SNUPN: variants seen among roughly 807,000 people sequenced by gnomAD.
The protein encoded by SNUPN is snurportin-1.
A neutral mutation model predicts 39.2 loss-of-function variants in SNUPN; 31 were observed. That is an observed-to-expected ratio of 0.79 (90% CI 0.59 to 1.07). The LOEUF (loss-of-function observed/expected upper bound fraction) is 1.07. Among genes scored for constraint, SNUPN ranks in the 50% least tolerant of loss-of-function variants. The pLI is 0.00. For missense variants in SNUPN, 382 were observed against 434.2 expected, an observed-to-expected ratio of 0.88 and a Z score of 1.07; for synonymous variants, 132 against 159.0, an observed-to-expected ratio of 0.83 and a Z score of 1.28.
At chr15:75,603,467 C>T (rs1421441247) in intron 7 of SNUPN, among the ~76,000 whole-genome samples, 1 of 149,258 alleles carries the variant, frequency 6.7e-6, no homozygotes, top group Non-Finnish European at 1.5e-5. Context: ...CGACACCATC[C>T]TTGCTAACAC....
chr15:75,619,891 G>A (rs1333469942), intron 2 of SNUPN, among the ~76,000 whole-genome samples: 1 of 151,990 alleles, frequency 6.6e-6, no homozygotes, highest in Non-Finnish European at 1.5e-5. Flanking sequence ...TGGGACTACA[G>A]GCACGCACCA....
At chr15:75,624,061 G>A (rs1893150232) in intron 1 of SNUPN, among the ~76,000 whole-genome samples, 1 of 147,776 alleles carries the variant, frequency 6.8e-6, no homozygotes, top group South Asian at 2.2e-4. Flanking sequence ...CCAAGTAGCT[G>A]GGACTACAGG....
At chr15:75,620,769 CAAG>C (rs1174164760) in intron 2 of SNUPN, 122 bp downstream of exon 2, 4 of 824,586 alleles carry the variant, frequency 4.9e-6, no homozygotes, top group African/African-American at 1.7e-5. Context: ...AACCTGTGGG[CAAG>C]AAGATCAGCC....
intron 1 of SNUPN, among the ~76,000 whole-genome samples, chr15:75,622,138 G>C (rs527363815): frequency 3.3e-5 from 5 of 152,188 alleles, no homozygotes; most frequent in South Asian, 2.1e-4. Flanking sequence ...CAAGGCAGGA[G>C]GATCACTTGA....
chr15:75,599,012 CA>C (rs1038574805), intron 8 of SNUPN, among the ~76,000 whole-genome samples: 2 of 151,230 alleles, frequency 1.3e-5, no homozygotes, highest in East Asian at 1.9e-4. Context: ...ACTAAAAATT[CA>C]AAAAAATAGC....
intron 7 of SNUPN, among the ~76,000 whole-genome samples, chr15:75,601,893 TAA>T (rs937614239): frequency 2.0e-5 from 3 of 152,200 alleles, no homozygotes; most frequent in Admixed American, 2.0e-4. Context: ...CCCTTTTTTT[TAA>T]GAGATGAGAT....
In SNUPN at chr15:75,605,210, G is replaced by A; in HGVS notation, c.618C>T (p.Tyr206=). Reference sequence around the variant, plus strand: ...CTTCTGGTAACTTTGAATGCATCCAGTAGAATCGGAAATCAGTCTGCCACA... The same window carrying A: ...CTTCTGGTAACTTTGAATGCATCCAATAGAATCGGAAATCAGTCTGCCACA... ...FYDCQTDFRF[Y]WMHSKLPEEE... is the part of the protein sequence containing the mutation. Residue 206 remains tyrosine, a synonymous_variant, in exon 7 of 9, where the codon TAC becomes TAT. Coordinates refer to ENST00000308588, the MANE Select transcript of SNUPN (RefSeq NM_005701.4). 6.2e-7 allele frequency: 1 copy of A among 1,612,078 alleles called. No individual in the cohort carries two copies. The highest frequency in any genetic ancestry group is 8.5e-7 in the Non-Finnish European group (1 of 1,178,704).
At chr15:75,610,047 G>T in intron 3 of SNUPN, 53 bp from the exon 4 acceptor site, 3 of 1,352,012 alleles carry the variant, frequency 2.2e-6, no homozygotes, top group Non-Finnish European at 3.2e-6. Flanking sequence ...CTACTCGAAA[G>T]TCTGCAATGA....
rs2075338118 is a variant in SNUPN, at chr15:75,607,255, A to T, written c.561T>A (p.Asp187Glu). ...AAGGGTGTCCCCGCCAGCACATCAC[A>T]TCCAGAACGTAGTAGGTCTGGTTTA... ...NEVNQTYYVL[D>E]VMCWRGHPFY... Residue 187 changes from aspartate to glutamate, a missense_variant, in exon 6 of 9, where the codon GAT (aspartate) becomes GAA (glutamate). Transcript: ENST00000308588. 5.0e-6 allele frequency: 8 copies of T among 1,613,896 alleles called. No homozygotes were observed. The highest frequency in any genetic ancestry group is 6.8e-6 in the Non-Finnish European group (8 of 1,179,794).
At chr15:75,611,531 C>T (rs747281306) in intron 3 of SNUPN, among the ~76,000 whole-genome samples, 3 of 151,656 alleles carry the variant, frequency 2.0e-5, no homozygotes, top group Admixed American at 1.3e-4. Flanking sequence ...GGATTACAGG[C>T]ATGAGCCACC....
rs1463054079 is a variant in SNUPN at position 75,598,385 on chromosome 15, G to A, written c.1056C>T (p.Asp352=). The A allele has an allele frequency of 1.9e-6, 3 of 1,614,100 alleles. No homozygotes were observed. Among genetic ancestry groups the A allele is most frequent in the Non-Finnish European group, 2.5e-6 (3 of 1,180,028 alleles). The change falls in exon 9 of 9, where the codon GAC becomes GAT. Residue 352 remains aspartate (D), a synonymous_variant. Coordinates refer to ENST00000308588, the MANE Select transcript of SNUPN (RefSeq NM_005701.4). ...PKLKGSSHSP[D]HPGCLMEN ...AATTCTCCATGAGGCATCCAGGGTG[G>A]TCTGGGCTATGGGAAGAACCCTTCA...
chr15:75,624,708 C>T (rs765199693), intron 1 of SNUPN: 71 of 1,260,004 alleles, frequency 5.6e-5, no homozygotes, highest in Non-Finnish European at 5.2e-5. Context: ...TGGGGCGGTT[C>T]CTTTACCTTC....
chr15:75,599,836 A>ATTTTTTTTTTT (rs60918008), intron 8 of SNUPN, among the ~76,000 whole-genome samples: 1 of 140,514 alleles, frequency 7.1e-6, no homozygotes, highest in Admixed American at 7.2e-5. Flanking sequence ...GACTGGGCAG[A>ATTTTTTTTTTT]TTTTTTTTTT....
chr15:75,598,426 G>A lies in SNUPN; in HGVS notation c.1015C>T (p.Leu339=), dbSNP rs775662801. Residue 339 remains leucine, a synonymous_variant, in exon 9 of 9, where the codon CTG becomes TTG. Transcript: ENST00000308588. ...GAACCCTTCAACTTGGGAGTAGACA[G>A]GTGCTCCAATTCATAGTGCCCATTC... ...SENGHYELEH[L]STPKLKGSSH... 16 of 1,614,096 alleles carry A rather than the reference G, an allele frequency of 9.9e-6. No individual in the cohort carries two copies. In the South Asian group the frequency reaches 1.5e-4, roughly 16 times the overall value.
At chr15:75,610,024 C>A (rs1366760975) in intron 3 of SNUPN, 30 bp from the exon 4 acceptor site, 1 of 1,531,474 alleles carries the variant, frequency 6.5e-7, no homozygotes, top group Admixed American at 1.7e-5. Flanking sequence ...TGTTAAAGAT[C>A]AGCAGGGGTG....
intron 2 of SNUPN, among the ~76,000 whole-genome samples, chr15:75,619,306 G>C (rs989505579): frequency 6.6e-6 from 1 of 150,898 alleles, no homozygotes; most frequent in Non-Finnish European, 1.5e-5. Flanking sequence ...AAAAGCTTTT[G>C]TACACATACT....
chr15:75,622,931 G>C (rs1893109639), intron 1 of SNUPN, among the ~76,000 whole-genome samples: 1 of 152,164 alleles, frequency 6.6e-6, no homozygotes, highest in Non-Finnish European at 1.5e-5. Flanking sequence ...CTTGAGCCCA[G>C]GAGTTCGAAG....
chr15:75,626,396 G>A (rs1251458788), upstream of SNUPN: 1 of 152,194 alleles, frequency 6.6e-6, no homozygotes, highest in African/African-American at 2.4e-5. Flanking sequence ...GATTAAATTG[G>A]TGCAAAAGAC....
chr15:75,605,900 C>T (rs1201534648), intron 6 of SNUPN, among the ~76,000 whole-genome samples: 1 of 152,160 alleles, frequency 6.6e-6, no homozygotes, highest in African/African-American at 2.4e-5. Context: ...ATGCCCAGCA[C>T]TTCGGTAGGC....
Sources: gnomAD v4.1 joint callset for allele counts (sites outside exome capture counted in the v4.1 genomes callset) on GRCh38, gnomAD v4.1.1 for gene constraint, MANE v1.5 for transcripts, NCBI Gene and HGNC (gene_info 2026-07-23, HGNC 2026-07-21) for gene names.